CCDC73: variants seen among roughly 807,000 people sequenced by gnomAD.
The protein encoded by CCDC73 is coiled-coil domain-containing protein 73.
In CCDC73, 95 loss-of-function variants were observed where a neutral mutation model predicts 116.5. That is an observed-to-expected ratio of 0.82 (90% CI 0.69 to 0.97). The LOEUF (loss-of-function observed/expected upper bound fraction) is 0.97, where lower values mean the gene tolerates loss of function less well. CCDC73 is among the 50% of genes least tolerant of loss of function. The probability of loss-of-function intolerance (pLI) is 0.00; values close to 1 mark genes in which losing one functional copy is unlikely to be tolerated. For missense variants in CCDC73, 1,066 were observed against 1,206.8 expected, an observed-to-expected ratio of 0.88 and a Z score of 1.73; for synonymous variants, 398 against 401.3, an observed-to-expected ratio of 0.99 and a Z score of 0.10.
intron 2 of CCDC73, among the ~76,000 whole-genome samples, chr11:32,734,846 G>A (rs1047861129): frequency 4.6e-5 from 7 of 152,172 alleles, no homozygotes; most frequent in African/African-American, 1.7e-4. Flanking sequence ...TCATCCCTGG[G>A]ATGCAAGGCT....
chr11:32,699,244 T>C lies in CCDC73; in HGVS notation c.390+7A>G. Reference sequence around the variant, plus strand: ...CTACTTTTTAAACAATACGTAGTTATTTTTACCTGTAGTGCTTTTAATGTT... The same window carrying C: ...CTACTTTTTAAACAATACGTAGTTACTTTTACCTGTAGTGCTTTTAATGTT... On this transcript the variant is annotated splice_region_variant and intron_variant, in intron 6 of 17. Transcript: ENST00000335185. 3.2e-6 allele frequency: 5 copies of C among 1,575,448 alleles called. No individual in the cohort carries two copies. The highest frequency in any genetic ancestry group is 2.6e-6 in the Non-Finnish European group (3 of 1,157,236).
At chr11:32,621,417 T>C (rs890392609) in intron 14 of CCDC73, among the ~76,000 whole-genome samples, 6 of 152,096 alleles carry the variant, frequency 3.9e-5, no homozygotes, top group African/African-American at 1.2e-4. Context: ...AAACAAGCAA[T>C]GGGGCAAAGA....
At chr11:32,684,852 T>A (rs948623620) in intron 6 of CCDC73, among the ~76,000 whole-genome samples, 6 of 152,108 alleles carry the variant, frequency 3.9e-5, no homozygotes, top group African/African-American at 1.4e-4. Context: ...CGCTGGTGTG[T>A]GCCTGTGATC....
chr11:32,741,782 T>C (rs553392562), intron 2 of CCDC73, among the ~76,000 whole-genome samples: 1 of 152,062 alleles, frequency 6.6e-6, no homozygotes, highest in Non-Finnish European at 1.5e-5. Context: ...GTACATTAGG[T>C]ATTTCTCCTA....
upstream of CCDC73, among the ~76,000 whole-genome samples, chr11:32,799,480 C>T (rs1338953251): frequency 6.6e-6 from 1 of 151,790 alleles, no homozygotes; most frequent in Non-Finnish European, 1.5e-5. Context: ...CCATGCCCAG[C>T]CTGTGGGTTT....
chr11:32,758,349 A>G, intron 2 of CCDC73: 1 of 505,724 alleles, frequency 2.0e-6, no homozygotes, highest in Non-Finnish European at 3.9e-6. Flanking sequence ...AACCCCTGGT[A>G]ATAGAATTGT....
At chr11:32,638,094 C>T (rs1855698398) in intron 13 of CCDC73, among the ~76,000 whole-genome samples, 1 of 152,138 alleles carries the variant, frequency 6.6e-6, no homozygotes, top group Non-Finnish European at 1.5e-5. Flanking sequence ...TATAAAATGT[C>T]ACTAACCATA....
At chr11:32,773,264 G>T (rs1177575716) in intron 1 of CCDC73, among the ~76,000 whole-genome samples, 1 of 152,122 alleles carries the variant, frequency 6.6e-6, no homozygotes, top group Non-Finnish European at 1.5e-5. Context: ...GCTTAGGTTG[G>T]GGGGTTGAAG....
intron 2 of CCDC73, among the ~76,000 whole-genome samples, chr11:32,746,399 G>A (rs964459886): frequency 2.0e-5 from 3 of 152,124 alleles, no homozygotes; most frequent in African/African-American, 7.2e-5. Flanking sequence ...TGACAGTTAT[G>A]TGTCTTGGGG....
intron 9 of CCDC73, among the ~76,000 whole-genome samples, chr11:32,660,051 G>A (rs1309121927): frequency 2.6e-5 from 4 of 151,992 alleles, no homozygotes; most frequent in Non-Finnish European, 4.4e-5. Flanking sequence ...GAATGTTGGG[G>A]AATTATCACA....
chr11:32,602,882 A>C lies in CCDC73; in HGVS notation c.3169T>G (p.Leu1057Val). The C allele has an allele frequency of 6.2e-7, 1 of 1,611,942 alleles. No individual in the cohort carries two copies. The highest frequency in any genetic ancestry group is 8.5e-7 in the Non-Finnish European group (1 of 1,179,300). ...QLNKSENLLS[L>V]ENDNQPKKRK... ...TTCTTTGGCTGGTTGTCATTTTCTAAACTTAGTAAATTTTCACTTTTATTT... is the reference window on the plus strand; with the variant it reads ...TTCTTTGGCTGGTTGTCATTTTCTACACTTAGTAAATTTTCACTTTTATTT... Residue 1057 changes from leucine (L) to valine (V), a missense_variant, in exon 18 of 18, where the codon TTA becomes GTA. Coordinates refer to ENST00000335185, the MANE Select transcript of CCDC73 (RefSeq NM_001008391.4).
At chr11:32,796,032 G>A (rs1741159668), upstream of CCDC73, among the ~76,000 whole-genome samples, 3 of 152,266 alleles carry the variant, frequency 2.0e-5, no homozygotes, top group South Asian at 6.2e-4. Flanking sequence ...GTAAAAATCT[G>A]TCTGGAATTC....
the CCDC73 span, among the ~76,000 whole-genome samples, chr11:32,824,904 C>A: frequency 7.9e-5 from 12 of 152,240 alleles, no homozygotes; most frequent in African/African-American, 2.9e-4. Context: ...AGCAACATGG[C>A]AAAACCCCTG....
At chr11:32,629,973 GA>G (rs1476834461) in intron 14 of CCDC73, among the ~76,000 whole-genome samples, 1 of 139,830 alleles carries the variant, frequency 7.2e-6, no homozygotes, top group African/African-American at 2.7e-5. Flanking sequence ...TCAGGTTGAA[GA>G]AATATACCAG....
the CCDC73 span, among the ~76,000 whole-genome samples, chr11:32,805,592 C>T: frequency 6.6e-6 from 1 of 152,144 alleles, no homozygotes; most frequent in Non-Finnish European, 1.5e-5. Context: ...ACAAAGCCAA[C>T]TTGAGGTAAT....
At chr11:32,704,708 G>T (rs749647340) in intron 3 of CCDC73, among the ~76,000 whole-genome samples, 1 of 152,184 alleles carries the variant, frequency 6.6e-6, no homozygotes, top group Admixed American at 6.5e-5. Flanking sequence ...GCAGAGGAGT[G>T]AGAACTTCCT....
At chr11:32,761,366 T>G (rs1850390476) in intron 1 of CCDC73, among the ~76,000 whole-genome samples, 1 of 152,228 alleles carries the variant, frequency 6.6e-6, no homozygotes, top group Non-Finnish European at 1.5e-5. Flanking sequence ...TTCCAGTTTG[T>G]GACTATTATG....
intron 9 of CCDC73, among the ~76,000 whole-genome samples, chr11:32,664,814 TAC>T (rs923231664): frequency 2.0e-5 from 3 of 152,236 alleles, no homozygotes; most frequent in Admixed American, 6.5e-5. Flanking sequence ...AATTTCCCTC[TAC>T]ACACTGCTTT....
intron 15 of CCDC73, among the ~76,000 whole-genome samples, chr11:32,615,234 T>C (rs1219925701): frequency 1.3e-5 from 2 of 152,116 alleles, no homozygotes; most frequent in African/African-American, 2.4e-5. Context: ...TATTAAAAAA[T>C]GGTTTATTTT....
Sources: gnomAD v4.1 joint callset for allele counts (sites outside exome capture counted in the v4.1 genomes callset) on GRCh38, gnomAD v4.1.1 for gene constraint, MANE v1.5 for transcripts, NCBI Gene and HGNC (gene_info 2026-07-23, HGNC 2026-07-21) for gene names.